UBN2: variants seen among roughly 807,000 people sequenced by gnomAD.
The protein encoded by UBN2 is ubinuclein-2.
A neutral mutation model predicts 120.2 loss-of-function variants in UBN2; 35 were observed. That is an observed-to-expected ratio of 0.29 (90% confidence interval 0.22 to 0.39). The LOEUF is 0.39. Among genes scored for constraint, UBN2 ranks in the 10% least tolerant of loss-of-function variants. The pLI is 1.00. For synonymous variants in UBN2, 661 were observed against 648.7 expected, an observed-to-expected ratio of 1.02 and a Z score of -0.29; for missense variants, 1,693 against 1,663.2, an observed-to-expected ratio of 1.02 and a Z score of -0.31.
chr7:139,315,352 T>G, the UBN2 span: 2 of 152,222 alleles, frequency 1.3e-5, no homozygotes, highest in African/African-American at 4.8e-5. Context: ...TGCTAATCTC[T>G]GTATCATTCC....
intron 15 of UBN2, among the ~76,000 whole-genome samples, chr7:139,289,112 T>G (rs190829766): frequency 7.9e-5 from 12 of 152,272 alleles, no homozygotes; most frequent in Non-Finnish European, 1.8e-4. Flanking sequence ...TTTTTGATTA[T>G]GGGGCATAAT....
At chr7:139,325,238 A>T in the UBN2 span, among the ~76,000 whole-genome samples, 1 of 151,032 alleles carries the variant, frequency 6.6e-6, no homozygotes, top group African/African-American at 2.4e-5. Flanking sequence ...AGTACATAAT[A>T]TAAAAAAGTT....
At chr7:139,243,634 G>T in intron 2 of UBN2, among the ~76,000 whole-genome samples, 1 of 152,174 alleles carries the variant, frequency 6.6e-6, no homozygotes, top group East Asian at 1.9e-4. Flanking sequence ...GAACTGGAGG[G>T]TGGAGAATAG....
chr7:139,286,174 C>T (rs1370123668), intron 15 of UBN2, among the ~76,000 whole-genome samples: 3 of 152,154 alleles, frequency 2.0e-5, no homozygotes, highest in East Asian at 1.9e-4. Flanking sequence ...TTGATCTGCC[C>T]ACCTCGGCCT....
At chr7:139,251,902 C>G in intron 2 of UBN2, 54 bp from the exon 3 acceptor site, 1 of 1,547,340 alleles carries the variant, frequency 6.5e-7, no homozygotes, top group East Asian at 2.3e-5. Flanking sequence ...TCTTTTTAAA[C>G]TTTATGGAAA....
intron 6 of UBN2, among the ~76,000 whole-genome samples, chr7:139,265,158 T>C (rs767272611): frequency 2.6e-5 from 4 of 152,150 alleles, no homozygotes; most frequent in Non-Finnish European, 5.9e-5. Flanking sequence ...TGGGAATTGA[T>C]TTTTTTGTTT....
intron 1 of UBN2, among the ~76,000 whole-genome samples, chr7:139,234,526 G>T (rs891550587): frequency 6.6e-6 from 1 of 152,146 alleles, no homozygotes; most frequent in Admixed American, 6.5e-5. Flanking sequence ...TAACCTTATT[G>T]TCTCTAGGCA....
intron 14 of UBN2, 119 bp from the exon 15 acceptor site, chr7:139,282,905 G>A: frequency 7.2e-6 from 7 of 970,918 alleles, no homozygotes; most frequent in Non-Finnish European, 1.0e-5. Context: ...GATAGTCTCT[G>A]AAGATTTCCA....
intron 15 of UBN2, among the ~76,000 whole-genome samples, chr7:139,292,256 A>T (rs1797982156): frequency 1.3e-5 from 2 of 152,172 alleles, no homozygotes; most frequent in Non-Finnish European, 2.9e-5. Context: ...CTGTCTCAAA[A>T]AAAAGGGGGC....
intron 13 of UBN2, among the ~76,000 whole-genome samples, chr7:139,281,616 T>A (rs1797614000): frequency 6.6e-6 from 1 of 152,214 alleles, no homozygotes; most frequent in Non-Finnish European, 1.5e-5. Context: ...CTGAACAATT[T>A]TCTCTGCCAG....
downstream of UBN2, among the ~76,000 whole-genome samples, chr7:139,311,812 C>G (rs1174100843): frequency 6.6e-6 from 1 of 152,176 alleles, no homozygotes; most frequent in East Asian, 1.9e-4. Context: ...TCAGAAACCC[C>G]TGGCTGAAAA....
intron 15 of UBN2, among the ~76,000 whole-genome samples, chr7:139,288,753 C>T (rs1284445546): frequency 6.6e-6 from 1 of 151,972 alleles, no homozygotes. Context: ...CCTGTAAACC[C>T]AGGACTTTGG....
chr7:139,240,356 A>T (rs1796283890), intron 2 of UBN2, among the ~76,000 whole-genome samples: 2 of 149,870 alleles, frequency 1.3e-5, no homozygotes, highest in Admixed American at 1.3e-4. Context: ...TAAACTCATG[A>T]GCCTAAGCAA....
intron 11 of UBN2, 123 bp downstream of exon 11, chr7:139,274,197 G>A: frequency 1.0e-6 from 1 of 957,632 alleles, no homozygotes; most frequent in Non-Finnish European, 1.4e-6. Flanking sequence ...TCAGCATGCT[G>A]TCTAGTCATC....
chr7:139,279,095 T>C (rs1247394207), intron 12 of UBN2, among the ~76,000 whole-genome samples: 1 of 152,210 alleles, frequency 6.6e-6, no homozygotes, highest in Non-Finnish European at 1.5e-5. Flanking sequence ...AATTGTATTA[T>C]CTACATTTCA....
intron 3 of UBN2, 74 bp from the exon 4 acceptor site, chr7:139,258,414 G>A (rs1796827082): frequency 1.6e-6 from 2 of 1,223,538 alleles, no homozygotes; most frequent in African/African-American, 1.5e-5. Flanking sequence ...CTGCCATGGT[G>A]GATGAATTTC....
chr7:139,294,686 C>G (rs1285434505), intron 17 of UBN2, among the ~76,000 whole-genome samples: 1 of 152,110 alleles, frequency 6.6e-6, no homozygotes, highest in Non-Finnish European at 1.5e-5. Flanking sequence ...ATTAAAAATA[C>G]AAAAGTTAGC....
Position 139,258,622 on chromosome 7 carries a change from C to G in UBN2, c.798C>G (p.Pro266=). The G allele has an allele frequency of 6.3e-7, 1 of 1,591,232 alleles. No homozygotes were observed. Among genetic ancestry groups the G allele is most frequent in the East Asian group, 2.2e-5 (1 of 44,604 alleles). Residue 266 remains proline, a synonymous_variant, in exon 4 of 18, where the codon CCC becomes CCG. Coordinates refer to ENST00000473989, the MANE Select transcript of UBN2 (RefSeq NM_173569.4). ...CAGACAACCAAAAGCACAAGCCACC[C>G]AAGGTGAGTTTATCAAACATTGCAA... The part of the protein sequence containing the change: ...DITDNQKHKP[P]KVPKIKEDDI...
At chr7:139,295,088 CTTT>C (rs1175195798) in intron 17 of UBN2, among the ~76,000 whole-genome samples, 30 of 137,508 alleles carry the variant, frequency 2.2e-4, no homozygotes, top group African/African-American at 6.6e-4. Flanking sequence ...CTAGGCCTCA[CTTT>C]TTTTTTTTTT....
Sources: allele counts gnomAD v4.1 joint callset (sites outside exome capture counted in the v4.1 genomes callset), GRCh38; gene constraint gnomAD v4.1.1; transcripts MANE v1.5; gene names NCBI Gene and HGNC (gene_info 2026-07-23, HGNC 2026-07-21).